NTRK3: variants seen among roughly 807,000 people sequenced by gnomAD.
NTRK3 encodes the protein neurotrophic receptor tyrosine kinase 3.
NTRK3 carries 24 observed loss-of-function variants against 91.7 expected under a neutral mutation model. The observed-to-expected ratio is 0.26, with a 90% CI of 0.19 to 0.37. The LOEUF is 0.37. Among genes scored for constraint, NTRK3 ranks in the 10% least tolerant of loss-of-function variants. NTRK3 has a pLI of 1.00. For synonymous variants in NTRK3, 483 were observed against 404.0 expected (o/e 1.20, Z -2.34); for missense variants, 880 against 1,068.9 (o/e 0.82, Z 2.46).
chr15:88,029,725 A>T (rs2141985562), intron 14 of NTRK3, among the ~76,000 whole-genome samples: 1 of 152,298 alleles, frequency 6.6e-6, no homozygotes, highest in Non-Finnish European at 1.5e-5. Flanking sequence ...TATCTGCCAC[A>T]CCATAAATAC....
At chr15:88,162,412 C>T (rs532278636) in intron 5 of NTRK3, among the ~76,000 whole-genome samples, 3 of 152,200 alleles carry the variant, frequency 2.0e-5, no homozygotes, top group Admixed American at 6.5e-5. Context: ...AAGGAAAAAG[C>T]TAAAGAGAAC....
intron 17 of NTRK3, among the ~76,000 whole-genome samples, chr15:87,897,934 A>G (rs188792076): frequency 1.2e-4 from 18 of 152,338 alleles, no homozygotes; most frequent in Admixed American, 5.9e-4. Context: ...AACCATAGAG[A>G]ATTTATTTAA....
intron 17 of NTRK3, among the ~76,000 whole-genome samples, chr15:87,914,728 G>T (rs2067323337): frequency 6.6e-6 from 1 of 152,126 alleles, no homozygotes; most frequent in South Asian, 2.1e-4. Context: ...GACCCACTGG[G>T]TAAGGAAATG....
chr15:87,959,119 C>G (rs1345862754), intron 14 of NTRK3, among the ~76,000 whole-genome samples: 2 of 152,118 alleles, frequency 1.3e-5, no homozygotes, highest in African/African-American at 4.8e-5. Flanking sequence ...CGCTTGCTCT[C>G]CAACCACTCA....
rs1342403283 is a variant in NTRK3, at chr15:88,255,707, G to A, written c.248+199C>T. ...AGGCACACACACGCATAGCCGGATC[G>A]CGCCTCGCCAGGGCCGGAGTCACCT... On this transcript the variant is annotated intron_variant, in intron 3 of 18. Transcript: ENST00000394480. The surrounding 1 kb of genome is among the most constrained non-coding windows in gnomAD (Gnocchi z 4.3). Among the ~76,000 whole-genome samples, 1 of 152,268 alleles carries A rather than the reference G, an allele frequency of 6.6e-6. No homozygotes were observed. The highest frequency in any genetic ancestry group is 1.9e-4 in the East Asian group (1 of 5,154).
intron 14 of NTRK3, among the ~76,000 whole-genome samples, chr15:87,958,671 T>A (rs1279622082): frequency 6.6e-6 from 1 of 151,926 alleles, no homozygotes; most frequent in African/African-American, 2.4e-5. Context: ...TTCTCAAATC[T>A]GTCCACATCT....
intron 3 of NTRK3, among the ~76,000 whole-genome samples, chr15:88,195,932 T>C (rs2047776089): frequency 6.6e-6 from 1 of 152,172 alleles, no homozygotes; most frequent in South Asian, 2.1e-4. Context: ...TAGGAAAATA[T>C]GAAATGGCCA....
At chr15:88,082,619 T>C (rs2048154490) in intron 13 of NTRK3, among the ~76,000 whole-genome samples, 1 of 152,218 alleles carries the variant, frequency 6.6e-6, no homozygotes, top group Admixed American at 6.5e-5. Flanking sequence ...ATGTTCTCTC[T>C]TATGTCTGGC....
At chr15:88,086,130 A>G (rs925221756) in intron 13 of NTRK3, among the ~76,000 whole-genome samples, 1 of 152,242 alleles carries the variant, frequency 6.6e-6, no homozygotes, top group Non-Finnish European at 1.5e-5. Flanking sequence ...ACCGTTCTCT[A>G]GAGAGGACTC....
At position 88,241,736 on chromosome 15, in the gene NTRK3, C is replaced by A. The variant is rs1598138400; in HGVS notation, c.248+14170G>T. On this transcript the variant is annotated intron_variant, in intron 3 of 18. Coordinates refer to ENST00000394480, the Ensembl canonical transcript of NTRK3. The surrounding 1 kb of genome is among the most constrained non-coding windows in gnomAD (Gnocchi z 4.3). ...CCCAGGCTCACCTCCACCCAGCGCA[C>A]TGGGGAGAAGGGCTGCCCTATATCC... 6.6e-6 allele frequency among the ~76,000 whole-genome samples: 1 copy of A among 152,180 alleles called. No individual in the cohort carries two copies. The highest frequency in any genetic ancestry group is 2.1e-4 in the South Asian group (1 of 4,826).
At chr15:88,058,622 T>C (rs888743650) in intron 13 of NTRK3, among the ~76,000 whole-genome samples, 3 of 152,064 alleles carry the variant, frequency 2.0e-5, no homozygotes, top group Non-Finnish European at 4.4e-5. Context: ...CCAATGCCCG[T>C]TCCTGAGAAC....
chr15:87,871,561 C>G (rs1294476113), exon 19 of NTRK3: 4 of 230,286 alleles, frequency 1.7e-5, no homozygotes, highest in Non-Finnish European at 3.4e-5. Context: ...ATCAGGCAAC[C>G]AGGAAGAATG....
intron 13 of NTRK3, among the ~76,000 whole-genome samples, chr15:88,112,633 A>C (rs1336549907): frequency 6.6e-6 from 1 of 152,174 alleles, no homozygotes; most frequent in Non-Finnish European, 1.5e-5. Context: ...GGCCATGTGG[A>C]AACTTGCATG....
rs373320572 is a variant in NTRK3, at chr15:88,069,073, TG to T, written c.1397-36029del. Among the ~76,000 whole-genome samples, 761 of 152,226 alleles carry T rather than the reference TG, an allele frequency of 5.0e-3. 3 individuals carry two copies. Among genetic ancestry groups the T allele is most frequent in the African/African-American group, 0.017 (720 of 41,536 alleles). Reference sequence around the variant, plus strand: ...GTCACCGGCAAGGAAGGCTTAATCATGGGGAGATGAAGACTGCCAAAAGTTA... The same window carrying T: ...GTCACCGGCAAGGAAGGCTTAATCATGGGAGATGAAGACTGCCAAAAGTTA... On this transcript the variant is annotated intron_variant, in intron 13 of 18. Transcript: ENST00000394480.
intron 6 of NTRK3, among the ~76,000 whole-genome samples, chr15:88,137,802 C>T (rs771958088): frequency 6.6e-6 from 1 of 152,188 alleles, no homozygotes; most frequent in African/African-American, 2.4e-5. Flanking sequence ...CCTGTAATCC[C>T]AGCACTTTGG....
At chr15:88,151,654 C>T (rs1482479241) in intron 5 of NTRK3, among the ~76,000 whole-genome samples, 1 of 152,170 alleles carries the variant, frequency 6.6e-6, no homozygotes, top group Non-Finnish European at 1.5e-5. Context: ...CCTCTGTTGC[C>T]CCTTTGGGGG....
intron 5 of NTRK3, among the ~76,000 whole-genome samples, chr15:88,150,520 C>T (rs1157370284): frequency 6.6e-6 from 1 of 152,154 alleles, no homozygotes; most frequent in African/African-American, 2.4e-5. Flanking sequence ...TCATCTCCCC[C>T]TTGCCCCTCC....
chr15:88,211,209 C>A (rs1453713743), intron 3 of NTRK3, among the ~76,000 whole-genome samples: 1 of 152,180 alleles, frequency 6.6e-6, no homozygotes, highest in Admixed American at 6.5e-5. Flanking sequence ...CAGTCCCTGG[C>A]AACTATGGAT....
chr15:87,883,230 A>C (rs912242138), intron 17 of NTRK3, among the ~76,000 whole-genome samples: 6 of 150,192 alleles, frequency 4.0e-5, no homozygotes, highest in Non-Finnish European at 8.9e-5. Context: ...AAATGTCAAA[A>C]ACTAAAGTAA....
Sources: allele counts gnomAD v4.1 joint callset (sites outside exome capture counted in the v4.1 genomes callset), GRCh38; gene constraint gnomAD v4.1.1; non-coding constraint Gnocchi (gnomAD v3.1); transcripts MANE v1.5; gene names NCBI Gene and HGNC (gene_info 2026-07-23, HGNC 2026-07-21).